Variants in EDIL3 observed in about 807,000 individuals in gnomAD.
EDIL3 encodes EGF like and discoidin domains 3, also known as EGF-like repeat and discoidin I-like domain-containing protein 3.
In EDIL3, 37 loss-of-function variants were observed where a neutral mutation model predicts 67.4. The ratio of observed to expected loss-of-function variants is 0.55; its 90% CI spans 0.42 to 0.72. The LOEUF is 0.72. EDIL3 is among the 30% of genes least tolerant of loss of function. The pLI is 0.00. For synonymous variants in EDIL3, 195 were observed against 196.3 expected (o/e 0.99, Z 0.05); for missense variants, 527 against 586.3 (o/e 0.90, Z 1.04).
At chr5:83,963,497 T>A (rs1456639861) in intron 9 of EDIL3, 137 bp from the exon 10 acceptor site, 4 of 993,336 alleles carry the variant, frequency 4.0e-6, no homozygotes, top group African/African-American at 1.7e-5. Flanking sequence ...TTGAAACCAA[T>A]GACTGAGTCT....
chr5:84,332,749 AGT>A (rs1326384931), intron 1 of EDIL3, among the ~76,000 whole-genome samples: 3 of 152,218 alleles, frequency 2.0e-5, no homozygotes, highest in Admixed American at 2.0e-4. Flanking sequence ...TTAGCAAATC[AGT>A]GTCTTATATT....
chr5:84,321,800 C>T (rs900632055), intron 1 of EDIL3, among the ~76,000 whole-genome samples: 2 of 152,070 alleles, frequency 1.3e-5, no homozygotes, highest in Admixed American at 6.6e-5. Flanking sequence ...CCCCTTGAGA[C>T]GAAGTGACTT....
At chr5:84,339,067 G>A (rs749333795) in intron 1 of EDIL3, among the ~76,000 whole-genome samples, 1 of 150,660 alleles carries the variant, frequency 6.6e-6, no homozygotes, top group Non-Finnish European at 1.5e-5. Flanking sequence ...TGGTAAAAAT[G>A]ATTAACAAGG....
intron 9 of EDIL3, among the ~76,000 whole-genome samples, chr5:84,041,583 AC>A (rs1455032002): frequency 2.1e-5 from 3 of 145,712 alleles, no homozygotes; most frequent in African/African-American, 5.0e-5. Context: ...ATATGTATAT[AC>A]TATATATGTA....
chr5:83,951,894 A>G (rs1156588505), intron 10 of EDIL3, among the ~76,000 whole-genome samples: 1 of 151,756 alleles, frequency 6.6e-6, no homozygotes, highest in South Asian at 2.1e-4. Flanking sequence ...CAGTAGTATC[A>G]ACTTGTCTAT....
chr5:84,273,880 T>C (rs1745522669), intron 1 of EDIL3, among the ~76,000 whole-genome samples: 2 of 152,290 alleles, frequency 1.3e-5, no homozygotes, highest in African/African-American at 4.8e-5. Context: ...CCACCCTGTT[T>C]TGACACCTGC....
In EDIL3 at chr5:84,331,410, G is replaced by T. The variant is rs575178069; in HGVS notation, c.67+52898C>A. On this transcript the variant is annotated intron_variant, in intron 1 of 10. Coordinates refer to ENST00000296591, the MANE Select transcript of EDIL3 (RefSeq NM_005711.5). ...TGTTGTGGGAGGGACCTGGTGGGAG[G>T]TAATTGAATCATGGGGGACATTACC... Among the ~76,000 whole-genome samples the T allele has an allele frequency of 2.0e-5, 3 of 152,252 alleles. No homozygotes were observed. The East Asian group carries it at 5.8e-4, about 29-fold the overall frequency.
At chr5:84,286,005 A>G (rs1219775747) in intron 1 of EDIL3, among the ~76,000 whole-genome samples, 2 of 152,174 alleles carry the variant, frequency 1.3e-5, no homozygotes, top group African/African-American at 2.4e-5. Context: ...CTCAACCTAT[A>G]TAATTCCATG....
intron 9 of EDIL3, among the ~76,000 whole-genome samples, chr5:84,034,059 A>G (rs767975446): frequency 2.6e-4 from 40 of 152,308 alleles, no homozygotes; most frequent in Non-Finnish European, 4.1e-4. Context: ...TAGCTACTGC[A>G]TGTAATTAGA....
intron 9 of EDIL3, among the ~76,000 whole-genome samples, chr5:83,964,181 A>C (rs1185683769): frequency 6.6e-6 from 1 of 152,108 alleles, no homozygotes; most frequent in East Asian, 1.9e-4. Flanking sequence ...AATATAGAAT[A>C]GTTCGGTATT....
At chr5:84,312,373 G>A (rs1339375623) in intron 1 of EDIL3, among the ~76,000 whole-genome samples, 6 of 139,302 alleles carry the variant, frequency 4.3e-5, no homozygotes, top group African/African-American at 1.3e-4. Flanking sequence ...GCGGCTGGCC[G>A]GGCGGGGGGC....
Position 84,122,778 on chromosome 5 carries a change from C to T in EDIL3, c.469+14463G>A, listed in dbSNP as rs145409693. 5.5e-3 allele frequency among the ~76,000 whole-genome samples: 833 copies of T among 151,948 alleles called. 5 individuals carry two copies. Among genetic ancestry groups the T allele is most frequent in the Non-Finnish European group, 9.2e-3 (622 of 67,870 alleles). On this transcript the variant is annotated intron_variant, in intron 5 of 10. Transcript: ENST00000296591. The stretch of plus-strand genomic sequence containing the variant: ...GTGATCTAACTCACTTTGTGTTCTC[C>T]GTCACCGTTGTTCTGCCGTGGTTGG...
intron 3 of EDIL3, among the ~76,000 whole-genome samples, chr5:84,207,493 T>A (rs1218550362): frequency 6.6e-6 from 1 of 152,180 alleles, no homozygotes; most frequent in African/African-American, 2.4e-5. Flanking sequence ...ATAGATTCAA[T>A]GCCATCCCCA....
chr5:84,352,562 A>G (rs1747382052), intron 1 of EDIL3, among the ~76,000 whole-genome samples: 2 of 152,094 alleles, frequency 1.3e-5, no homozygotes, highest in Admixed American at 6.6e-5. Context: ...CAAAAACCAC[A>G]TGTTCTCACT....
chr5:84,072,118 T>C (rs1179310804), intron 6 of EDIL3, among the ~76,000 whole-genome samples: 1 of 152,138 alleles, frequency 6.6e-6, no homozygotes, highest in Non-Finnish European at 1.5e-5. Flanking sequence ...TTTCTATTCA[T>C]GACACTAGAT....
intron 4 of EDIL3, among the ~76,000 whole-genome samples, chr5:84,171,784 A>C (rs1233790222): frequency 2.6e-5 from 4 of 152,160 alleles, no homozygotes; most frequent in Admixed American, 6.5e-5. Flanking sequence ...CATTAGAATT[A>C]TCTGGGGAGG....
chr5:84,188,186 C>T (rs566555194), intron 3 of EDIL3, among the ~76,000 whole-genome samples: 15 of 151,906 alleles, frequency 9.9e-5, no homozygotes, highest in Non-Finnish European at 2.1e-4. Flanking sequence ...AGTGGAGATG[C>T]TTTAGAGGTC....
At chr5:83,984,391 C>T (rs1745024656) in intron 9 of EDIL3, among the ~76,000 whole-genome samples, 1 of 152,030 alleles carries the variant, frequency 6.6e-6, no homozygotes, top group South Asian at 2.1e-4. Flanking sequence ...GTATGTCTTG[C>T]CAGTAGTTGG....
chr5:84,326,013 T>C (rs941414234), intron 1 of EDIL3, among the ~76,000 whole-genome samples: 16 of 152,116 alleles, frequency 1.1e-4, no homozygotes, highest in African/African-American at 3.9e-4. Context: ...GACCTTTAAG[T>C]GGCTGATTAG....
Sources: gnomAD v4.1 joint callset for allele counts (sites outside exome capture counted in the v4.1 genomes callset) on GRCh38, gnomAD v4.1.1 for gene constraint, MANE v1.5 for transcripts, NCBI Gene and HGNC (gene_info 2026-07-23, HGNC 2026-07-21) for gene names.